Variants in ADGRL2 observed in about 807,000 individuals in gnomAD.
ADGRL2 encodes the protein adhesion G protein-coupled receptor L2.
ADGRL2 carries 44 observed loss-of-function variants against 157.4 expected under a neutral mutation model. That is an observed-to-expected ratio of 0.28 (90% CI 0.22 to 0.36). ADGRL2 has a LOEUF of 0.36. Among genes scored for constraint, ADGRL2 ranks in the 10% least tolerant of loss-of-function variants. The pLI, the probability that ADGRL2 is intolerant of heterozygous loss-of-function variation, is 1.00. For missense variants in ADGRL2, 1,510 were observed against 1,768.9 expected, an observed-to-expected ratio of 0.85 and a Z score of 2.63; for synonymous variants, 585 against 624.7, an observed-to-expected ratio of 0.94 and a Z score of 0.95.
chr1:81,480,982 T>A (rs1450740305), intron 2 of ADGRL2, among the ~76,000 whole-genome samples: 1 of 152,240 alleles, frequency 6.6e-6, no homozygotes, highest in East Asian at 1.9e-4. Context: ...AGCATTTATG[T>A]CATTTATTTG....
At chr1:81,829,100 C>T (rs1459259245) in intron 1 of ADGRL2, among the ~76,000 whole-genome samples, 3 of 151,920 alleles carry the variant, frequency 2.0e-5, no homozygotes, top group South Asian at 2.1e-4. Context: ...TTAGTAGAGA[C>T]GGGGTTTCAC....
chr1:81,714,876 A>G (rs992278937), intron 1 of ADGRL2, among the ~76,000 whole-genome samples: 1 of 149,338 alleles, frequency 6.7e-6, no homozygotes, highest in African/African-American at 2.5e-5. Flanking sequence ...TTTCTTTTGT[A>G]GTTGCTTCTA....
chr1:81,952,206 T>C (rs1252415972), intron 9 of ADGRL2, 64 bp downstream of exon 9: 8 of 1,379,570 alleles, frequency 5.8e-6, no homozygotes, highest in Admixed American at 2.2e-5. Flanking sequence ...TCTTGTCTTA[T>C]AGCAGTTGAG....
At chr1:81,448,747 C>A (rs965297036) in intron 2 of ADGRL2, among the ~76,000 whole-genome samples, 1 of 151,984 alleles carries the variant, frequency 6.6e-6, no homozygotes, top group East Asian at 1.9e-4. Flanking sequence ...TTGGACCCTC[C>A]TCATATTCCA....
At chr1:81,697,646 CA>C (rs1406879598), upstream of ADGRL2, among the ~76,000 whole-genome samples, 9 of 152,026 alleles carry the variant, frequency 5.9e-5, no homozygotes, top group African/African-American at 1.9e-4. Context: ...CATTGGATAG[CA>C]AAATCAGGAA....
At chr1:81,876,977 C>A (rs1481696810) in intron 2 of ADGRL2, among the ~76,000 whole-genome samples, 1 of 152,068 alleles carries the variant, frequency 6.6e-6, no homozygotes, top group Non-Finnish European at 1.5e-5. Flanking sequence ...CTTCCCTGAG[C>A]CAGGATTCTC....
rs1453357885 is a variant in ADGRL2, at chr1:81,836,957, A to G, written c.-28A>G. Reference sequence around the variant, plus strand: ...TTTATAACTAGATTCATTAAGGAATACAAAGAAAATACTTAAAGGGATCAA... The same window carrying G: ...TTTATAACTAGATTCATTAAGGAATGCAAAGAAAATACTTAAAGGGATCAA... On this transcript the variant is annotated 5_prime_UTR_variant, in exon 2 of 24. The change creates a new upstream start codon in the 5' untranslated region. Coordinates refer to ENST00000686636, the MANE Select transcript of ADGRL2 (RefSeq NM_001366006.2). 1.4e-6 allele frequency: 2 copies of G among 1,412,956 alleles called. No individual in the cohort carries two copies. Among genetic ancestry groups the G allele is most frequent in the Non-Finnish European group, 1.9e-6 (2 of 1,025,640 alleles). 87.5% of individuals were successfully genotyped at this position (1,412,956 alleles called of 1,614,324 possible). A position where few individuals can be genotyped will look rare whatever the true frequency, so the allele number is the denominator to read the frequency against.
At chr1:81,347,502 A>G (rs866605478) in intron 1 of ADGRL2, among the ~76,000 whole-genome samples, 20 of 152,284 alleles carry the variant, frequency 1.3e-4, no homozygotes, top group Middle Eastern at 6.8e-3. Flanking sequence ...GCTGGACTGA[A>G]TTGTTTCCTA....
At chr1:81,630,558 T>A (rs954277380) in intron 3 of ADGRL2, among the ~76,000 whole-genome samples, 1 of 152,134 alleles carries the variant, frequency 6.6e-6, no homozygotes, top group Non-Finnish European at 1.5e-5. Flanking sequence ...TAAATCGAAT[T>A]CCTCATATGA....
intron 2 of ADGRL2, among the ~76,000 whole-genome samples, chr1:81,854,626 T>TC (rs1406911028): frequency 1.3e-5 from 2 of 152,188 alleles, no homozygotes; most frequent in Non-Finnish European, 2.9e-5. Flanking sequence ...TGCAGTGTGC[T>TC]AGGTATGGGT....
chr1:81,537,577 C>T (rs557042478), intron 2 of ADGRL2, among the ~76,000 whole-genome samples: 9 of 152,098 alleles, frequency 5.9e-5, no homozygotes, highest in Non-Finnish European at 1.0e-4. Flanking sequence ...TGAGCCACCA[C>T]GCCTGCCCAG....
intron 2 of ADGRL2, among the ~76,000 whole-genome samples, chr1:81,453,892 T>G (rs143985178): frequency 1.3e-5 from 2 of 152,136 alleles, no homozygotes; most frequent in Admixed American, 6.6e-5. Flanking sequence ...TGCAAAGACA[T>G]GCACCAGCTC....
At chr1:81,494,737 G>C (rs2078697633) in intron 2 of ADGRL2, among the ~76,000 whole-genome samples, 1 of 151,960 alleles carries the variant, frequency 6.6e-6, no homozygotes, top group South Asian at 2.1e-4. Flanking sequence ...AATTTTACTT[G>C]ATTTTACTTT....
intron 1 of ADGRL2, among the ~76,000 whole-genome samples, chr1:81,336,690 T>A (rs1661663378): frequency 6.6e-6 from 1 of 151,644 alleles, no homozygotes; most frequent in African/African-American, 2.4e-5. Context: ...CTGGAAAGAG[T>A]TCATAAACTT....
chr1:81,923,963 A>C (rs2095046524), intron 3 of ADGRL2, among the ~76,000 whole-genome samples: 1 of 152,194 alleles, frequency 6.6e-6, no homozygotes, highest in African/African-American at 2.4e-5. Flanking sequence ...GCAGCAACTA[A>C]AGTGCAAAAT....
At chr1:81,544,588 T>A (rs1038637954) in intron 2 of ADGRL2, among the ~76,000 whole-genome samples, 1 of 152,144 alleles carries the variant, frequency 6.6e-6, no homozygotes, top group Admixed American at 6.5e-5. Context: ...CTGAAATTAA[T>A]TTTTTGCCAA....
At position 81,680,995 on chromosome 1, in the gene ADGRL2, A is replaced by C. The variant is rs149585896; in HGVS notation, c.-142-80816A>C. On this transcript the variant is annotated intron_variant, in intron 3 of 24. Coordinates refer to the ADGRL2 transcript ENST00000370721. Reference sequence around the variant, plus strand: ...TTACTAAATAATTAAACTATAATACATCTTCCCTCCAAGGATAAGCACTAT... The same window carrying C: ...TTACTAAATAATTAAACTATAATACCTCTTCCCTCCAAGGATAAGCACTAT... Among the ~76,000 whole-genome samples, 457 of 152,316 alleles carry C rather than the reference A, an allele frequency of 3.0e-3. 1 individual carries two copies. Among genetic ancestry groups the C allele is most frequent in the African/African-American group, 0.01 (418 of 41,566 alleles).
chr1:81,616,086 C>A lies in ADGRL2; in HGVS notation c.-143+35106C>A, dbSNP rs557547878. On this transcript the variant is annotated intron_variant, in intron 3 of 24. Coordinates refer to the ADGRL2 transcript ENST00000370721. Reference sequence around the variant, plus strand: ...GGCCTGAAACGGAGTCAGCCTCATTCGCTGGCACCACCATCACCTGCAGAG... The same window carrying A: ...GGCCTGAAACGGAGTCAGCCTCATTAGCTGGCACCACCATCACCTGCAGAG... 7.1e-5 allele frequency among the ~76,000 whole-genome samples: 10 copies of A among 141,278 alleles called. No individual in the cohort carries two copies. In the South Asian group the frequency reaches 2.6e-3, roughly 36 times the overall value. The allele number at this position is 141,278 out of a possible 152,430, so 92.7% of individuals were successfully genotyped here. A position where few individuals can be genotyped will look rare whatever the true frequency, so the allele number is the denominator to read the frequency against.
chr1:81,397,313 C>CTTTTTTTTTT lies in ADGRL2; in HGVS notation c.-301-47707_-301-47698dup, dbSNP rs59449077. Among the ~76,000 whole-genome samples the CTTTTTTTTTT allele has an allele frequency of 7.1e-4, 38 of 53,640 alleles. 3 individuals carry two copies. The highest frequency in any genetic ancestry group is 6.8e-3 in the South Asian group (7 of 1,034). 35.2% of individuals were successfully genotyped at this position (53,640 alleles called of 152,430 possible). ...TCTGTGGTATTAGTTATAATGTCTC[C>CTTTTTTTTTT]TTTTTTTTTTTTTTTTTTTTTTTTT... On this transcript the variant is annotated intron_variant, in intron 1 of 24. Coordinates refer to the ADGRL2 transcript ENST00000370721.
Sources: allele counts gnomAD v4.1 joint callset (sites outside exome capture counted in the v4.1 genomes callset), GRCh38; gene constraint gnomAD v4.1.1; transcripts MANE v1.5; gene names NCBI Gene and HGNC (gene_info 2026-07-23, HGNC 2026-07-21).